The following SYNJ2 variants were observed in gnomAD, a reference collection of about 807,000 sequenced individuals.
The protein encoded by SYNJ2 is synaptojanin 2.
Under a neutral mutation model 141.3 loss-of-function variants are expected in SYNJ2, and 116 were observed. That is an observed-to-expected ratio of 0.82 (90% confidence interval 0.71 to 0.96). The LOEUF is 0.96. Ranked by LOEUF, SYNJ2 falls within the 40% of genes least tolerant of loss-of-function variation. SYNJ2 has a pLI of 0.00. For missense variants in SYNJ2, 1,873 were observed against 1,934.8 expected, an observed-to-expected ratio of 0.97 and a Z score of 0.60; for synonymous variants, 745 against 777.7, an observed-to-expected ratio of 0.96 and a Z score of 0.70.
In SYNJ2 at chr6:158,040,828, C is replaced by G. The variant is rs917488536; in HGVS notation, c.712-2488C>G. Among the ~76,000 whole-genome samples, 2 of 152,188 alleles carry G rather than the reference C, an allele frequency of 1.3e-5. No individual in the cohort carries two copies. The highest frequency in any genetic ancestry group is 4.8e-5 in the African/African-American group (2 of 41,430). ...ACCCTCTGGCTGCTCAGTCTGGGGT[C>G]TAGGCACTGGCCTGGCCTCATCACA... On this transcript the variant is annotated intron_variant, in intron 4 of 26. Transcript: ENST00000355585. This position sits in a 1 kb window ranked among gnomAD's most constrained non-coding sequence, Gnocchi z 4.2.
At chr6:158,015,378 G>A (rs767886873) in intron 1 of SYNJ2, among the ~76,000 whole-genome samples, 2 of 152,202 alleles carry the variant, frequency 1.3e-5, no homozygotes, top group African/African-American at 2.4e-5. Flanking sequence ...ATGTAGAAAT[G>A]GTTCCATCCA....
In SYNJ2 at chr6:158,016,940, A is replaced by AACCCCAGG; in HGVS notation, c.128-256_128-249dup. ...GTGCCTGCCCCCAGCTGGACGCCAG[A>AACCCCAGG]ACCCCAGGACCCCAGCTCCTCCAGC... On this transcript the variant is annotated intron_variant, in intron 1 of 26. Transcript: ENST00000355585. 4 of 1,144,450 alleles carry AACCCCAGG rather than the reference A, an allele frequency of 3.5e-6. No homozygotes were observed. In the East Asian group the frequency reaches 1.8e-4, roughly 52 times the overall value. The allele number at this position is 1,144,450 out of a possible 1,614,324, so 70.9% of individuals were successfully genotyped here. A position where few individuals can be genotyped will look rare whatever the true frequency, so the allele number is the denominator to read the frequency against.
intron 2 of SYNJ2, chr6:158,017,866 G>T: frequency 2.1e-6 from 1 of 475,338 alleles, no homozygotes; most frequent in Non-Finnish European, 4.3e-6. Flanking sequence ...CCCACCCTGT[G>T]CCAGAGAAGC....
Position 158,066,487 on chromosome 6 carries a change from A to G in SYNJ2, c.1569A>G (p.Glu523=), listed in dbSNP as rs1235656299. Residue 523 remains glutamate (E), a synonymous_variant, in exon 12 of 27, where the codon GAA becomes GAG. Coordinates refer to ENST00000355585, the MANE Select transcript of SYNJ2 (RefSeq NM_003898.4). ...ILKAMTERQS[E]FTNFKRIRIA... ...AAGCTATGACTGAGCGTCAGTCCGA[A>G]TTCACAAATTTCAAGCGGATCCGGA... 6.8e-6 allele frequency: 11 copies of G among 1,614,132 alleles called. No homozygotes were observed. Among genetic ancestry groups the G allele is most frequent in the Non-Finnish European group, 8.5e-6 (10 of 1,180,022 alleles).
chr6:158,026,851 C>A (rs949963446), intron 2 of SYNJ2: 2 of 985,278 alleles, frequency 2.0e-6, no homozygotes, highest in African/African-American at 3.5e-5. Flanking sequence ...GTGCCGGGAG[C>A]GCTCTGTGGC....
intron 6 of SYNJ2, among the ~76,000 whole-genome samples, chr6:158,058,665 G>A (rs772500140): frequency 6.6e-6 from 1 of 152,236 alleles, no homozygotes; most frequent in Non-Finnish European, 1.5e-5. Flanking sequence ...GGTGGCTTAT[G>A]CCTGTAATCC....
rs1777027512 is a variant in SYNJ2 at position 157,981,954 on chromosome 6, C to G, written c.-8C>G. On this transcript the variant is annotated 5_prime_UTR_variant, in exon 1 of 27. Coordinates refer to ENST00000355585, the MANE Select transcript of SYNJ2 (RefSeq NM_003898.4). The surrounding 1 kb of genome is among the most constrained non-coding windows in gnomAD (Gnocchi z 6.4). Reference sequence around the variant, plus strand: ...CCCCGGCCCCCGCCCGCAGTGGGCCCGACCCTCATGGCCCTGAGCAAAGGG... The same window carrying G: ...CCCCGGCCCCCGCCCGCAGTGGGCCGGACCCTCATGGCCCTGAGCAAAGGG... The G allele has an allele frequency of 8.1e-7, 1 of 1,231,344 alleles. No individual in the cohort carries two copies. The highest frequency in any genetic ancestry group is 4.2e-5 in the Admixed American group (1 of 23,598). The allele number at this position is 1,231,344 out of a possible 1,614,324, so 76.3% of individuals were successfully genotyped here.
chr6:158,028,893 A>T lies in SYNJ2; in HGVS notation c.352A>T (p.Ile118Leu). The change falls in exon 3 of 27, where the codon ATA becomes TTA. Residue 118 changes from isoleucine to leucine, a missense_variant. Physicochemically the swap from Ile to Leu is conservative, Grantham distance 5. Transcript: ENST00000355585. Reference sequence around the variant, plus strand: ...AGAGGCCAAGGAGGAGGAACGCCTCATAGCTTTGAAGAAAATCCTCAGCTC... The same window carrying T: ...AGAGGCCAAGGAGGAGGAACGCCTCTTAGCTTTGAAGAAAATCCTCAGCTC... ...QEEAKEEERL[I>L]ALKKILSSGV... 6.2e-7 allele frequency: 1 copy of T among 1,614,222 alleles called. No homozygotes were observed. Among genetic ancestry groups the T allele is most frequent in the Non-Finnish European group, 8.5e-7 (1 of 1,180,028 alleles).
chr6:158,011,256 C>T (rs1391797433), intron 1 of SYNJ2, among the ~76,000 whole-genome samples: 2 of 152,210 alleles, frequency 1.3e-5, no homozygotes, highest in Non-Finnish European at 2.9e-5. Flanking sequence ...AGACACAGGG[C>T]CAGGTAAGGA....
At chr6:158,009,769 T>G (rs1778197644) in intron 1 of SYNJ2, among the ~76,000 whole-genome samples, 1 of 152,094 alleles carries the variant, frequency 6.6e-6, no homozygotes, top group Admixed American at 6.5e-5. Flanking sequence ...TTAAAATAAA[T>G]GGAGATGGTT....
chr6:158,013,331 A>G (rs1019977379), intron 1 of SYNJ2, among the ~76,000 whole-genome samples: 3 of 152,160 alleles, frequency 2.0e-5, no homozygotes, highest in African/African-American at 7.2e-5. Flanking sequence ...CAGTGAGCTG[A>G]GATTGCACCA....
In SYNJ2 at chr6:158,074,923, CTTTTTTTT is replaced by C. The variant is rs66487650; in HGVS notation, c.2292+200_2292+207del. ...TGGCTGTTCATACACACTTCCTGTC[CTTTTTTTT>C]TTTTTTTTTTTTTTCCTGAGGCAGA... On this transcript the variant is annotated intron_variant, in intron 16 of 26. Transcript: ENST00000355585. 9.4e-3 allele frequency among the ~76,000 whole-genome samples: 1,354 copies of C among 144,266 alleles called. 28 individuals are homozygous for C. The highest frequency in any genetic ancestry group is 0.032 in the African/African-American group (1,229 of 38,634). The allele number at this position is 144,266 out of a possible 152,430, so 94.6% of individuals were successfully genotyped here.
At position 158,084,351 on chromosome 6, in the gene SYNJ2, T is replaced by G. The variant is rs1782901703; in HGVS notation, c.3208+177T>G. On this transcript the variant is annotated intron_variant, in intron 22 of 26. Coordinates refer to ENST00000355585, the MANE Select transcript of SYNJ2 (RefSeq NM_003898.4). This position sits in a 1 kb window ranked among gnomAD's most constrained non-coding sequence, Gnocchi z 5.0. ...ACTGAGCCCTGTGGAGGTAGCCAGC[T>G]CCAACACCCTGATTTCCTCTAGTTA... is the stretch of plus-strand genomic sequence containing the variant. 6.6e-6 allele frequency among the ~76,000 whole-genome samples: 1 copy of G among 152,110 alleles called. No individual in the cohort carries two copies.
intron 16 of SYNJ2, among the ~76,000 whole-genome samples, chr6:158,075,072 C>G (rs1270378204): frequency 6.6e-6 from 1 of 151,882 alleles, no homozygotes; most frequent in East Asian, 2.0e-4. Context: ...GCTGCGATTA[C>G]AGGCGTGTGC....
chr6:158,071,871 CACTGGGG>C lies in SYNJ2; in HGVS notation c.2133+80_2133+86del. On this transcript the variant is annotated intron_variant, in intron 15 of 26. Coordinates refer to ENST00000355585, the MANE Select transcript of SYNJ2 (RefSeq NM_003898.4). This position sits in a 1 kb window ranked among gnomAD's most constrained non-coding sequence, Gnocchi z 4.3. Reference sequence around the variant, plus strand: ...AATGTGACTGTTGATAGGAGCCAGGCACTGGGGACACAACCACAGGGAGGGCCCCTTC... The same window carrying C: ...AATGTGACTGTTGATAGGAGCCAGGCACACAACCACAGGGAGGGCCCCTTC... The C allele has an allele frequency of 6.7e-7, 1 of 1,502,158 alleles. No homozygotes were observed. The highest frequency in any genetic ancestry group is 9.0e-7 in the Non-Finnish European group (1 of 1,114,136). 93.1% of individuals were successfully genotyped at this position (1,502,158 alleles called of 1,614,324 possible). A position where few individuals can be genotyped will look rare whatever the true frequency, so the allele number is the denominator to read the frequency against.
rs1171937872 is a variant in SYNJ2 at position 158,088,726 on chromosome 6, C to G, written c.3410C>G (p.Ser1137Ter). Residue 1137 changes from serine to a stop codon, truncating the protein, a stop_gained, in exon 24 of 27, where the codon TCA becomes TGA. Transcript: ENST00000355585. LOFTEE classifies it high-confidence loss of function. The part of the protein sequence containing the change: ...SISSGTHGQY[S>*]ILQTARLLPG... The stretch of plus-strand genomic sequence containing the variant: ...TCCTCCGGCACCCATGGACAGTATT[C>G]AATTTTGCAGACGGCAAGACTTCTA... 6.2e-7 allele frequency: 1 copy of G among 1,614,082 alleles called. No individual in the cohort carries two copies. The highest frequency in any genetic ancestry group is 8.5e-7 in the Non-Finnish European group (1 of 1,180,008).
rs1005796642 is a variant in SYNJ2 at position 157,982,140 on chromosome 6, G to A, written c.127+52G>A. 2.3e-6 allele frequency: 3 copies of A among 1,284,424 alleles called. No individual in the cohort carries two copies. The highest frequency in any genetic ancestry group is 8.4e-5 in the Admixed American group (2 of 23,826). The allele number at this position is 1,284,424 out of a possible 1,614,324, so 79.6% of individuals were successfully genotyped here. On this transcript the variant is annotated intron_variant, in intron 1 of 26. Coordinates refer to ENST00000355585, the MANE Select transcript of SYNJ2 (RefSeq NM_003898.4). This position sits in a 1 kb window ranked among gnomAD's most constrained non-coding sequence, Gnocchi z 4.0. ...CCCGGAGGAGAGGGCGCCCGCATTC[G>A]CCCAGCCTCGGGAAGACGGGTACCC...
rs929550987 is a variant in SYNJ2, at chr6:158,067,956, C to T, written c.1718-691C>T. On this transcript the variant is annotated intron_variant, in intron 12 of 26. Transcript: ENST00000355585. ...CACGAAAGTGACTCCTCTTCTTTTC[C>T]CTGCAGGAAGGTGTGCATGTTTTTA... 34 of 985,240 alleles carry T rather than the reference C, an allele frequency of 3.5e-5. No homozygotes were observed. In the African/African-American group the frequency reaches 4.9e-4, roughly 14 times the overall value. 61.0% of individuals were successfully genotyped at this position (985,240 alleles called of 1,614,324 possible).
Position 158,040,817 on chromosome 6 carries a change from C to T in SYNJ2, c.712-2499C>T, listed in dbSNP as rs1264627913. ...CACTCAGGGTCACCCTCTGGCTGCT[C>T]AGTCTGGGGTCTAGGCACTGGCCTG... On this transcript the variant is annotated intron_variant, in intron 4 of 26. Coordinates refer to ENST00000355585, the MANE Select transcript of SYNJ2 (RefSeq NM_003898.4). The surrounding 1 kb of genome is among the most constrained non-coding windows in gnomAD (Gnocchi z 4.2). Among the ~76,000 whole-genome samples, 1 of 152,202 alleles carries T rather than the reference C, an allele frequency of 6.6e-6. No individual in the cohort carries two copies. The highest frequency in any genetic ancestry group is 1.9e-4 in the East Asian group (1 of 5,194).
Sources: gnomAD v4.1 joint callset for allele counts (sites outside exome capture counted in the v4.1 genomes callset) on GRCh38, gnomAD v4.1.1 for gene constraint, Gnocchi (gnomAD v3.1) non-coding constraint, MANE v1.5 for transcripts, NCBI Gene and HGNC (gene_info 2026-07-23, HGNC 2026-07-21) for gene names.